Variants in COL19A1 observed in about 807,000 individuals in gnomAD.
The protein encoded by COL19A1 is collagen alpha-1(XIX) chain.
A neutral mutation model predicts 190.2 loss-of-function variants in COL19A1; 159 were observed. The ratio of observed to expected loss-of-function variants is 0.84; its 90% confidence interval spans 0.73 to 0.95. The LOEUF (loss-of-function observed/expected upper bound fraction) is 0.95. Ranked by LOEUF, COL19A1 falls within the 40% of genes least tolerant of loss-of-function variation. The probability of loss-of-function intolerance (pLI) is 0.00; values close to 1 mark genes in which losing one functional copy is unlikely to be tolerated. For synonymous variants in COL19A1, 509 were observed against 458.9 expected, an observed-to-expected ratio of 1.11 and a Z score of -1.39; for missense variants, 1,418 against 1,431.9, an observed-to-expected ratio of 0.99 and a Z score of 0.16.
At chr6:69,909,253 C>T (rs1311397874) in intron 4 of COL19A1, among the ~76,000 whole-genome samples, 1 of 152,004 alleles carries the variant, frequency 6.6e-6, no homozygotes, top group Admixed American at 6.6e-5. Context: ...TTTCACTTGT[C>T]TTGTTGAAAC....
chr6:70,090,373 A>T (rs1315167848), intron 15 of COL19A1, among the ~76,000 whole-genome samples: 1 of 152,158 alleles, frequency 6.6e-6, no homozygotes, highest in African/African-American at 2.4e-5. Flanking sequence ...CAATATAACA[A>T]CTATTTACAT....
At chr6:69,900,193 C>A in intron 3 of COL19A1, 46 bp from the exon 4 acceptor site, 1 of 1,210,634 alleles carries the variant, frequency 8.3e-7, no homozygotes, top group Non-Finnish European at 1.2e-6. Context: ...TAGAAATTAA[C>A]ATTTCTATTA....
intron 4 of COL19A1, among the ~76,000 whole-genome samples, chr6:69,908,544 A>G (rs1044069288): frequency 2.6e-5 from 4 of 152,198 alleles, no homozygotes; most frequent in African/African-American, 7.2e-5. Flanking sequence ...TTACTACTCA[A>G]TAGTCAAAAG....
chr6:70,168,793 G>A lies in COL19A1; in HGVS notation c.2568+112G>A, dbSNP rs532141809. 55 of 1,121,526 alleles carry A rather than the reference G, an allele frequency of 4.9e-5. No individual in the cohort carries two copies. The African/African-American group carries it at 7.6e-4, about 15-fold the overall frequency. 69.5% of individuals were successfully genotyped at this position (1,121,526 alleles called of 1,614,324 possible). A position where few individuals can be genotyped will look rare whatever the true frequency, so the allele number is the denominator to read the frequency against. ...TTCTTAGGTGTTCATCAATTAACATGCTGGTGGTGACAAGCAGGCCACAAT... is the reference window on the plus strand; with the variant it reads ...TTCTTAGGTGTTCATCAATTAACATACTGGTGGTGACAAGCAGGCCACAAT... On this transcript the variant is annotated intron_variant, in intron 40 of 50. Transcript: ENST00000620364.
In COL19A1 at chr6:69,875,710, G is replaced by A. The variant is rs1483490424; in HGVS notation, c.-32-3826G>A. Among the ~76,000 whole-genome samples the A allele has an allele frequency of 3.3e-5, 5 of 152,258 alleles. No individual in the cohort carries two copies. The East Asian group carries it at 9.7e-4, about 29-fold the overall frequency. On this transcript the variant is annotated intron_variant, in intron 1 of 50. Coordinates refer to ENST00000620364, the MANE Select transcript of COL19A1 (RefSeq NM_001858.6). ...ATTACTGAGACTGGGAAGAGCATGA[G>A]AAGAACAATTTGTGGTTGGAAATCA... is the stretch of plus-strand genomic sequence containing the variant.
chr6:70,110,396 A>G (rs186962903), intron 16 of COL19A1, among the ~76,000 whole-genome samples: 1 of 152,294 alleles, frequency 6.6e-6, no homozygotes, highest in African/African-American at 2.4e-5. Flanking sequence ...GAACCTAACA[A>G]TTTATTTGAG....
At chr6:69,922,471 A>G (rs929490465) in intron 4 of COL19A1, among the ~76,000 whole-genome samples, 3 of 131,844 alleles carry the variant, frequency 2.3e-5, no homozygotes, top group African/African-American at 8.5e-5. Context: ...AAATAATTCT[A>G]TTTAGGTTTT....
Position 70,168,700 on chromosome 6 carries a change from T to C in COL19A1, c.2568+19T>C. 1 of 1,612,552 alleles carries C rather than the reference T, an allele frequency of 6.2e-7. No individual in the cohort carries two copies. The highest frequency in any genetic ancestry group is 8.5e-7 in the Non-Finnish European group (1 of 1,179,262). On this transcript the variant is annotated intron_variant, in intron 40 of 50. Transcript: ENST00000620364. ...CCCAGTGGTATGAATGTTCCCATGT[T>C]TTGTGTCATTTAGAATATTGGTCTT...
chr6:70,081,736 G>T (rs924263886), intron 15 of COL19A1, among the ~76,000 whole-genome samples: 12 of 152,088 alleles, frequency 7.9e-5, no homozygotes, highest in African/African-American at 2.9e-4. Context: ...GGTTATTGAG[G>T]AGAAAAATTT....
chr6:70,101,922 A>G (rs558371052), intron 15 of COL19A1, among the ~76,000 whole-genome samples: 2 of 152,348 alleles, frequency 1.3e-5, no homozygotes, highest in East Asian at 3.8e-4. Flanking sequence ...GAACCAAGGT[A>G]GATAGCATTT....
At chr6:69,997,896 A>G (rs1777016671) in intron 11 of COL19A1, among the ~76,000 whole-genome samples, 1 of 152,178 alleles carries the variant, frequency 6.6e-6, no homozygotes, top group East Asian at 1.9e-4. Flanking sequence ...TCCAAGTAGA[A>G]TAAACACAAA....
chr6:70,062,837 T>G (rs1038252597), intron 14 of COL19A1, among the ~76,000 whole-genome samples: 8 of 151,920 alleles, frequency 5.3e-5, no homozygotes, highest in Non-Finnish European at 1.2e-4. Flanking sequence ...AATCCTAGTC[T>G]CTGATAAAAC....
intron 4 of COL19A1, among the ~76,000 whole-genome samples, chr6:69,909,847 A>G (rs973035285): frequency 6.6e-6 from 1 of 152,134 alleles, no homozygotes; most frequent in African/African-American, 2.4e-5. Context: ...CTCATATGGT[A>G]TCATATAATC....
rs192193569 is a variant in COL19A1, at chr6:70,077,064, C to T, written c.1224+8588C>T. Among the ~76,000 whole-genome samples, 246 of 152,144 alleles carry T rather than the reference C, an allele frequency of 1.6e-3. 3 individuals carry two copies. The highest frequency in any genetic ancestry group is 7.7e-4 in the East Asian group (4 of 5,188). On this transcript the variant is annotated intron_variant, in intron 15 of 50. Coordinates refer to ENST00000620364, the MANE Select transcript of COL19A1 (RefSeq NM_001858.6). ...TAAATTTTCAGAAATGCAAAACATT[C>T]GGAGCATGAAACATTTTTATGGCCT...
chr6:70,083,151 A>T (rs528039299), intron 15 of COL19A1, among the ~76,000 whole-genome samples: 55 of 152,354 alleles, frequency 3.6e-4, no homozygotes, highest in African/African-American at 1.2e-3. Flanking sequence ...GTCTTACATT[A>T]AAAACTATAT....
intron 15 of COL19A1, among the ~76,000 whole-genome samples, chr6:70,069,033 A>G (rs1781407703): frequency 6.6e-6 from 1 of 152,092 alleles, no homozygotes. Context: ...TGTTATGACA[A>G]CTGGTCAGCT....
intron 48 of COL19A1, among the ~76,000 whole-genome samples, chr6:70,192,253 G>A (rs1244411854): frequency 6.6e-6 from 1 of 152,090 alleles, no homozygotes; most frequent in Non-Finnish European, 1.5e-5. Flanking sequence ...TAGAGACGGG[G>A]TTTCACCATG....
intron 4 of COL19A1, among the ~76,000 whole-genome samples, chr6:69,913,565 T>C (rs1314724284): frequency 3.3e-5 from 5 of 152,124 alleles, no homozygotes. Flanking sequence ...TCAATGTATG[T>C]TGTGGTAGTT....
intron 11 of COL19A1, among the ~76,000 whole-genome samples, chr6:69,968,946 C>T (rs901568595): frequency 2.6e-5 from 4 of 152,130 alleles, no homozygotes; most frequent in East Asian, 1.9e-4. Flanking sequence ...GGTGACATAT[C>T]GTAAAATAAA....
Sources: gnomAD v4.1 joint callset for allele counts (sites outside exome capture counted in the v4.1 genomes callset) on GRCh38, gnomAD v4.1.1 for gene constraint, MANE v1.5 for transcripts, NCBI Gene and HGNC (gene_info 2026-07-23, HGNC 2026-07-21) for gene names.